Variants in GLS observed in about 807,000 individuals in gnomAD.
The protein encoded by GLS is glutaminase.
Under a neutral mutation model 86.7 loss-of-function variants are expected in GLS, and 36 were observed. The observed-to-expected ratio is 0.42, with a 90% CI of 0.32 to 0.55. GLS has a LOEUF of 0.55. Ranked by LOEUF, GLS falls within the 20% of genes least tolerant of loss-of-function variation. GLS has a pLI of 0.17. For missense variants in GLS, 528 were observed against 833.4 expected, an observed-to-expected ratio of 0.63 and a Z score of 4.51; for synonymous variants, 317 against 305.9, an observed-to-expected ratio of 1.04 and a Z score of -0.38.
At position 190,942,067 on chromosome 2, in the gene GLS, C is replaced by CTTTTTTTTTTT. The variant is rs3036653; in HGVS notation, c.1650+10450_1650+10460dup. ...AGAGTTTAGTGTGAAACTTTGAAGACTTTTTTTTTTTTTTTTTTTTTTTTT... is the reference window on the plus strand; with the variant it reads ...AGAGTTTAGTGTGAAACTTTGAAGACTTTTTTTTTTTTTTTTTTTTTTTTTTTTTTTTTTTT... On this transcript the variant is annotated intron_variant, in intron 14 of 17. Coordinates refer to ENST00000320717, the MANE Select transcript of GLS (RefSeq NM_014905.5). Among the ~76,000 whole-genome samples, 372 of 38,068 alleles carry CTTTTTTTTTTT rather than the reference C, an allele frequency of 9.8e-3. 125 individuals carry two copies. The highest frequency in any genetic ancestry group is 0.029 in the Middle Eastern group (1 of 34). 25.0% of individuals were successfully genotyped at this position (38,068 alleles called of 152,430 possible).
chr2:190,923,897 G>GT lies in GLS; in HGVS notation c.1131-11dup, dbSNP rs556412131. The GT allele has an allele frequency of 2.8e-3, 4,028 of 1,440,772 alleles. 1 individual carries two copies. Among genetic ancestry groups the GT allele is most frequent in the Non-Finnish European group, 3.0e-3 (3,138 of 1,035,982 alleles). The allele number at this position is 1,440,772 out of a possible 1,614,324, so 89.2% of individuals were successfully genotyped here. ...TTTAAAGAAAGTACATAGAGCAAATGTTTTTTTTTCTTCTTCCAGGTTTCA... is the reference window on the plus strand; with the variant it reads ...TTTAAAGAAAGTACATAGAGCAAATGTTTTTTTTTTCTTCTTCCAGGTTTCA... On this transcript the variant is annotated intron_variant, in intron 9 of 17. Coordinates refer to ENST00000320717, the MANE Select transcript of GLS (RefSeq NM_014905.5).
At chr2:190,942,285 T>A (rs1025632892) in intron 14 of GLS, among the ~76,000 whole-genome samples, 1 of 151,878 alleles carries the variant, frequency 6.6e-6, no homozygotes, top group Non-Finnish European at 1.5e-5. Context: ...TTTCACCATG[T>A]TAGCCAAGAT....
intron 6 of GLS, among the ~76,000 whole-genome samples, chr2:190,908,231 A>G (rs771276646): frequency 6.6e-6 from 1 of 152,210 alleles, no homozygotes; most frequent in Non-Finnish European, 1.5e-5. Context: ...ATTCCAATAT[A>G]ATACCGAAAA....
intron 7 of GLS, among the ~76,000 whole-genome samples, chr2:190,916,025 A>G (rs544187294): frequency 1.3e-5 from 2 of 152,332 alleles, no homozygotes; most frequent in East Asian, 1.9e-4. Context: ...TAAAATTTCA[A>G]TCTACTTGTC....
At chr2:190,894,206 C>G (rs569083862) in intron 1 of GLS, among the ~76,000 whole-genome samples, 3 of 152,290 alleles carry the variant, frequency 2.0e-5, no homozygotes, top group Admixed American at 2.0e-4. Flanking sequence ...CAGCTCAAGT[C>G]TCTTATGTAA....
chr2:190,914,764 A>G lies in GLS; in HGVS notation c.1038+4443A>G, dbSNP rs181805531. 1.1e-3 allele frequency among the ~76,000 whole-genome samples: 171 copies of G among 152,288 alleles called. No homozygotes were observed. Among genetic ancestry groups the G allele is most frequent in the Middle Eastern group, 0.01 (3 of 294 alleles). Reference sequence around the variant, plus strand: ...AATAACTCTGATGCATTGATTTTAAATGAGCCATTTTATTATTAAATTTAT... The same window carrying G: ...AATAACTCTGATGCATTGATTTTAAGTGAGCCATTTTATTATTAAATTTAT... On this transcript the variant is annotated intron_variant, in intron 7 of 17. Transcript: ENST00000320717. The surrounding 1 kb of genome is among the most constrained non-coding windows in gnomAD (Gnocchi z 4.4).
chr2:190,941,534 A>T (rs1480312493), intron 14 of GLS, among the ~76,000 whole-genome samples: 1 of 120,904 alleles, frequency 8.3e-6, no homozygotes, highest in Non-Finnish European at 1.7e-5. Flanking sequence ...TAATGATAGA[A>T]AAGTAAAAAA....
In GLS at chr2:190,955,240, C is replaced by T. The variant is rs183333389; in HGVS notation, c.1853+422C>T. Among the ~76,000 whole-genome samples, 465 of 152,286 alleles carry T rather than the reference C, an allele frequency of 3.1e-3. 8 individuals are homozygous for T. The highest frequency in any genetic ancestry group is 0.01 in the African/African-American group (433 of 41,556). On this transcript the variant is annotated intron_variant, in intron 17 of 17. Transcript: ENST00000320717. The surrounding 1 kb of genome is among the most constrained non-coding windows in gnomAD (Gnocchi z 5.6). ...TGGTTTGCTGCACCCATCAACCCATCATCTACATTAGGTATTTCTTCTAAT... is the reference window on the plus strand; with the variant it reads ...TGGTTTGCTGCACCCATCAACCCATTATCTACATTAGGTATTTCTTCTAAT...
At chr2:190,889,152 G>A (rs746222642) in intron 1 of GLS, among the ~76,000 whole-genome samples, 5 of 152,176 alleles carry the variant, frequency 3.3e-5, no homozygotes, top group African/African-American at 7.2e-5. Context: ...CTCATTTTAC[G>A]TATTATATAA....
intron 6 of GLS, among the ~76,000 whole-genome samples, chr2:190,907,823 GA>G (rs2124860752): frequency 6.6e-6 from 1 of 152,332 alleles, no homozygotes; most frequent in African/African-American, 2.4e-5. Flanking sequence ...ACAGGATACA[GA>G]AGGCAATTAC....
intron 7 of GLS, among the ~76,000 whole-genome samples, chr2:190,911,407 T>G (rs960166255): frequency 8.5e-5 from 13 of 152,128 alleles, no homozygotes; most frequent in Admixed American, 2.0e-4. Flanking sequence ...CAAGGCAAAT[T>G]CTTTGAAAGT....
intron 7 of GLS, 80 bp downstream of exon 7, chr2:190,910,401 A>G: frequency 1.4e-6 from 1 of 692,266 alleles, no homozygotes; most frequent in South Asian, 1.9e-5. Context: ...ATCTGGGATT[A>G]TTTATGTAGA....
At chr2:190,942,923 A>C (rs1690482058) in intron 14 of GLS, among the ~76,000 whole-genome samples, 1 of 152,126 alleles carries the variant, frequency 6.6e-6, no homozygotes, top group East Asian at 1.9e-4. Flanking sequence ...ACGCCTATCA[A>C]CTTAGAGTTG....
At chr2:190,888,290 G>A (rs1395756192) in intron 1 of GLS, among the ~76,000 whole-genome samples, 2 of 152,104 alleles carry the variant, frequency 1.3e-5, no homozygotes, top group African/African-American at 2.4e-5. Context: ...TATCAGCATT[G>A]TCTAATCATA....
At chr2:190,925,404 G>A (rs551687582) in intron 11 of GLS, among the ~76,000 whole-genome samples, 3 of 152,122 alleles carry the variant, frequency 2.0e-5, no homozygotes, top group African/African-American at 7.2e-5. Flanking sequence ...ATATTGAGGG[G>A]GTGGGGTTGA....
chr2:190,884,916 T>C (rs773648603), intron 1 of GLS, among the ~76,000 whole-genome samples: 4 of 152,242 alleles, frequency 2.6e-5, no homozygotes, highest in African/African-American at 4.8e-5. Context: ...TCAGTTACTT[T>C]AGGCAGTTTG....
At chr2:190,900,469 T>C (rs1026506846) in intron 3 of GLS, 95 bp from the exon 4 acceptor site, 1 of 536,214 alleles carries the variant, frequency 1.9e-6, no homozygotes, top group Non-Finnish European at 3.2e-6. Context: ...TAAATTTATC[T>C]ATTATTTAAA....
intron 14 of GLS, chr2:190,932,919 C>G: frequency 7.3e-7 from 1 of 1,364,882 alleles, no homozygotes; most frequent in Non-Finnish European, 9.5e-7. Flanking sequence ...ACATCTTTAG[C>G]TTTTTTTTGC....
chr2:190,934,173 T>C, intron 14 of GLS: 1 of 982,878 alleles, frequency 1.0e-6, no homozygotes, highest in Non-Finnish European at 1.2e-6. Context: ...AACTTGGTGG[T>C]TTCTTAGCAT....
Sources: gnomAD v4.1 joint callset for allele counts (sites outside exome capture counted in the v4.1 genomes callset) on GRCh38, gnomAD v4.1.1 for gene constraint, Gnocchi (gnomAD v3.1) non-coding constraint, MANE v1.5 for transcripts, NCBI Gene and HGNC (gene_info 2026-07-23, HGNC 2026-07-21) for gene names.